NCALD: variants seen among roughly 807,000 people sequenced by gnomAD.
NCALD encodes neurocalcin delta, also known as neurocalcin-delta.
In NCALD, 10 loss-of-function variants were observed where a neutral mutation model predicts 18.6. The ratio of observed to expected loss-of-function variants is 0.54; its 90% confidence interval spans 0.33 to 0.91. The LOEUF is 0.91. Ranked by LOEUF, NCALD falls within the 40% of genes least tolerant of loss-of-function variation. NCALD has a pLI of 0.03. For synonymous variants in NCALD, 88 were observed against 87.4 expected (o/e 1.01, Z -0.04); for missense variants, 184 against 247.6 (o/e 0.74, Z 1.72).
intron 4 of NCALD, among the ~76,000 whole-genome samples, chr8:101,838,438 T>A (rs1051794966): frequency 6.6e-6 from 1 of 152,174 alleles, no homozygotes; most frequent in Non-Finnish European, 1.5e-5. Flanking sequence ...GCCAGGATGG[T>A]CTCTATCTCT....
intron 2 of NCALD, among the ~76,000 whole-genome samples, chr8:101,705,818 A>G (rs898388496): frequency 6.6e-6 from 1 of 152,186 alleles, no homozygotes; most frequent in South Asian, 2.1e-4. Context: ...CTCCCAGGCA[A>G]TTTCGAGCCA....
chr8:102,050,812 A>T (rs946210982), intron 1 of NCALD, among the ~76,000 whole-genome samples: 6 of 145,592 alleles, frequency 4.1e-5, no homozygotes, highest in Admixed American at 1.4e-4. Flanking sequence ...AATTAATTTA[A>T]TCATTTTTAA....
At chr8:101,855,576 T>C (rs1815281490) in intron 4 of NCALD, among the ~76,000 whole-genome samples, 1 of 152,118 alleles carries the variant, frequency 6.6e-6, no homozygotes, top group South Asian at 2.1e-4. Flanking sequence ...TTTAAAGACA[T>C]GGATATACTC....
intron 4 of NCALD, among the ~76,000 whole-genome samples, chr8:101,833,610 G>GTTTTTTTTTTTTTTTT (rs555031298): frequency 1.2e-4 from 11 of 88,466 alleles, no homozygotes; most frequent in South Asian, 4.4e-4. Flanking sequence ...TTTGTTTCTT[G>GTTTTTTTTTTTTTTTT]TTTTTTTTTT....
At position 101,782,885 on chromosome 8, in the gene NCALD, T is replaced by G. The variant is rs561997745; in HGVS notation, c.-20+7977A>C. Among the ~76,000 whole-genome samples the G allele has an allele frequency of 2.0e-5, 3 of 152,342 alleles. No homozygotes were observed. In the South Asian group the frequency reaches 6.2e-4, roughly 32 times the overall value. ...GAAGTTGTAGCCAGTGTGGAAGACG[T>G]AGCTCTGGCCCTCAAATGCAGATGC... On this transcript the variant is annotated intron_variant, in intron 1 of 3. Coordinates refer to ENST00000220931, the MANE Select transcript of NCALD (RefSeq NM_032041.3).
intron 2 of NCALD, among the ~76,000 whole-genome samples, chr8:101,714,717 C>CATCATGCTACCTGACTTCAAACTATACTA (rs1554611560): frequency 1.3e-4 from 19 of 151,706 alleles, no homozygotes; most frequent in African/African-American, 3.4e-4. Context: ...AAGCTGGGGG[C>CATCATGCTACCTGACTTCAAACTATACTA]CGGGCACGGT....
In NCALD at chr8:101,740,306, G is replaced by T. The variant is rs556816188; in HGVS notation, c.-19-20658C>A. ...AATAAAGGCCAGTCCCTTCTTGCAT[G>T]AGTCCATAGGACTTTCACATACACT... On this transcript the variant is annotated intron_variant, in intron 1 of 3. Transcript: ENST00000220931. Among the ~76,000 whole-genome samples the T allele has an allele frequency of 1.6e-3, 249 of 152,348 alleles. 1 individual carries two copies. Among genetic ancestry groups the T allele is most frequent in the Non-Finnish European group, 2.2e-3 (151 of 68,038 alleles).
At position 101,858,154 on chromosome 8, in the gene NCALD, T is replaced by A. The variant is rs537782606; in HGVS notation, c.-20+28987A>T. Among the ~76,000 whole-genome samples the A allele has an allele frequency of 3.7e-5, 5 of 135,212 alleles. No individual in the cohort carries two copies. In the South Asian group the frequency reaches 9.4e-4, roughly 26 times the overall value. 88.7% of individuals were successfully genotyped at this position (135,212 alleles called of 152,430 possible). On this transcript the variant is annotated intron_variant, in intron 4 of 6. Transcript: ENST00000311028. ...CTCTAATAAAATGACAGTAAAGGAATGTAAAAATTTACACACATAAAAGAG... is the reference window on the plus strand; with the variant it reads ...CTCTAATAAAATGACAGTAAAGGAAAGTAAAAATTTACACACATAAAAGAG...
intron 1 of NCALD, among the ~76,000 whole-genome samples, chr8:102,050,488 G>C (rs1054173636): frequency 6.6e-6 from 1 of 150,934 alleles, no homozygotes; most frequent in Admixed American, 6.6e-5. Flanking sequence ...ATTAAATAAT[G>C]ATATTACTTC....
In NCALD at chr8:101,716,578, G is replaced by GCTT. The variant is rs1428281991; in HGVS notation, c.378+2673_378+2674insAAG. On this transcript the variant is annotated intron_variant, in intron 2 of 3. Transcript: ENST00000220931. The stretch of plus-strand genomic sequence containing the variant: ...GGTTTTGCTTATTCACCCAGATGTT[G>GCTT]ATCCAGCACAAAAATATTTTCTTTA... 3.3e-5 allele frequency among the ~76,000 whole-genome samples: 5 copies of GCTT among 152,254 alleles called. No individual in the cohort carries two copies. In the East Asian group the frequency reaches 9.6e-4, roughly 29 times the overall value.
At chr8:101,900,536 A>T (rs1817380862) in intron 3 of NCALD, among the ~76,000 whole-genome samples, 1 of 151,756 alleles carries the variant, frequency 6.6e-6, no homozygotes, top group Non-Finnish European at 1.5e-5. Flanking sequence ...GAGTCACATA[A>T]ATTTTGATGT....
chr8:101,766,976 T>C (rs1191596204), intron 1 of NCALD, among the ~76,000 whole-genome samples: 2 of 152,256 alleles, frequency 1.3e-5, no homozygotes, highest in African/African-American at 2.4e-5. Flanking sequence ...TGTATAGTTC[T>C]GTAACTCATT....
At chr8:101,990,823 C>T (rs1330455123) in intron 2 of NCALD, among the ~76,000 whole-genome samples, 1 of 152,136 alleles carries the variant, frequency 6.6e-6, no homozygotes, top group Admixed American at 6.5e-5. Context: ...TTAGGGCAAG[C>T]AATATTCTCC....
chr8:102,051,573 A>G (rs1296703272), intron 1 of NCALD, among the ~76,000 whole-genome samples: 1 of 152,176 alleles, frequency 6.6e-6, no homozygotes, highest in Admixed American at 6.5e-5. Context: ...TCTTTCGTCA[A>G]CTGGTTTACA....
At chr8:101,891,545 G>C (rs1251871825) in intron 3 of NCALD, among the ~76,000 whole-genome samples, 2 of 152,226 alleles carry the variant, frequency 1.3e-5, no homozygotes, top group Non-Finnish European at 2.9e-5. Flanking sequence ...CCGGTCTACA[G>C]CTCCCAGCGT....
intron 2 of NCALD, among the ~76,000 whole-genome samples, chr8:101,989,307 G>GA (rs1441695346): frequency 1.3e-5 from 2 of 152,126 alleles, no homozygotes; most frequent in Non-Finnish European, 2.9e-5. Context: ...ACAGCCCTTT[G>GA]AAAAATATTC....
chr8:102,080,596 G>A (rs555389536), intron 1 of NCALD, among the ~76,000 whole-genome samples: 2 of 152,318 alleles, frequency 1.3e-5, no homozygotes, highest in African/African-American at 2.4e-5. Context: ...TCATCAAAGA[G>A]AAAGCCTTAG....
chr8:102,016,465 TC>T (rs1422569627), intron 2 of NCALD, among the ~76,000 whole-genome samples: 2 of 150,562 alleles, frequency 1.3e-5, no homozygotes, highest in African/African-American at 4.9e-5. Context: ...AAGAAAGAGG[TC>T]CCCTTTGTGG....
intron 1 of NCALD, among the ~76,000 whole-genome samples, chr8:101,781,645 G>A (rs527476971): frequency 2.0e-5 from 3 of 152,228 alleles, no homozygotes; most frequent in South Asian, 2.1e-4. Context: ...ACATATCACC[G>A]ATTCAATTTC....
Sources: allele counts gnomAD v4.1 joint callset (sites outside exome capture counted in the v4.1 genomes callset), GRCh38; gene constraint gnomAD v4.1.1; transcripts MANE v1.5; gene names NCBI Gene and HGNC (gene_info 2026-07-23, HGNC 2026-07-21).